The following LRP1 variants were observed in gnomAD, a reference collection of about 807,000 sequenced individuals.
LRP1 encodes prolow-density lipoprotein receptor-related protein 1.
Under a neutral mutation model 541.5 loss-of-function variants are expected in LRP1, and 51 were observed. The observed-to-expected ratio is 0.09, with a 90% CI of 0.08 to 0.12. The LOEUF is 0.12. Among genes scored for constraint, LRP1 ranks in the 10% least tolerant of loss-of-function variants. LRP1 has a pLI of 1.00. For missense variants in LRP1, 3,878 were observed against 6,376.2 expected, an observed-to-expected ratio of 0.61 and a Z score of 13.34; for synonymous variants, 2,219 against 2,470.8, an observed-to-expected ratio of 0.90 and a Z score of 3.02.
At position 57,199,230 on chromosome 12, in the gene LRP1, C is replaced by T. The variant is rs1348944986; in HGVS notation, c.9695C>T (p.Pro3232Leu). ...NRHVVLSQDIPHIFALTLFED... is the reference protein window; with the variant it reads ...NRHVVLSQDILHIFALTLFED... The stretch of plus-strand genomic sequence containing the variant: ...CCTGCAGTGCTGAGCCAGGACATCC[C>T]GCACATCTTTGCACTGACCCTGTTT... The change falls in exon 61 of 89, where the codon CCG (proline) becomes CTG (leucine). Residue 3232 changes from proline (P) to leucine (L), a missense_variant. Physicochemically the swap from Pro to Leu is moderately conservative, Grantham distance 98 (BLOSUM62 -3). This residue lies in a region of LRP1 where 1,100 missense variants were observed against 1,827.4 expected (regional missense o/e 0.60). Transcript: ENST00000243077. The T allele has an allele frequency of 4.3e-6, 7 of 1,613,670 alleles. No homozygotes were observed. The highest frequency in any genetic ancestry group is 1.6e-4 in the Middle Eastern group (1 of 6,062).
rs763336706 is a variant in LRP1, at chr12:57,166,922, C to T, written c.2798-8C>T. 1.4e-6 allele frequency: 2 copies of T among 1,458,262 alleles called. No homozygotes were observed. The highest frequency in any genetic ancestry group is 4.5e-5 in the East Asian group (2 of 44,180). 90.3% of individuals were successfully genotyped at this position (1,458,262 alleles called of 1,614,324 possible). ...CAATGAGTACTCACACCCATCCCTG[C>T]CCCCCAGCCCGCACCTGCCCCCCCA... On this transcript the variant is annotated splice_polypyrimidine_tract_variant and splice_region_variant and intron_variant, in intron 17 of 88. Coordinates refer to ENST00000243077, the MANE Select transcript of LRP1 (RefSeq NM_002332.3).
chr12:57,155,961 A>C, intron 8 of LRP1, 133 bp from the exon 9 acceptor site: 2 of 710,012 alleles, frequency 2.8e-6, no homozygotes, highest in Non-Finnish European at 4.7e-6. Context: ...AAAATAAATA[A>C]ATAAAAATTA....
At chr12:57,188,521 C>T (rs1440665199) in intron 42 of LRP1, among the ~76,000 whole-genome samples, 1 of 152,128 alleles carries the variant, frequency 6.6e-6, no homozygotes, top group African/African-American at 2.4e-5. Context: ...AGGTCCAGTC[C>T]CCCCTTCCAT....
Position 57,177,666 on chromosome 12 carries a change from G to A in LRP1, c.4361+75G>A. Reference sequence around the variant, plus strand: ...GGGGTGGGGAGGAACCTGTGGTGATGAGGGTGATGAGAAGGACCAAGGGAT... The same window carrying A: ...GGGGTGGGGAGGAACCTGTGGTGATAAGGGTGATGAGAAGGACCAAGGGAT... On this transcript the variant is annotated intron_variant, in intron 26 of 88. Transcript: ENST00000243077. The surrounding 1 kb of genome is among the most constrained non-coding windows in gnomAD (Gnocchi z 6.8). 3 of 1,512,252 alleles carry A rather than the reference G, an allele frequency of 2.0e-6. No individual in the cohort carries two copies. The highest frequency in any genetic ancestry group is 2.3e-5 in the East Asian group (1 of 42,846). 93.7% of individuals were successfully genotyped at this position (1,512,252 alleles called of 1,614,324 possible).
rs150497947 is a variant in LRP1 at position 57,154,313 on chromosome 12, C to A, written c.947C>A (p.Thr316Lys). The change falls in exon 7 of 89, where the codon ACA becomes AAA. Residue 316 changes from threonine (T) to lysine (K), a missense_variant. Transcript: ENST00000243077. This position sits in a 1 kb window ranked among gnomAD's most constrained non-coding sequence, Gnocchi z 4.6. ...AACAGAAATGGGGACACATGTGTCA[C>A]ATTGCTAGACCTGGAACTCTACAAC... ...VCNRNGDTCV[T>K]LLDLELYNPK... 1.7e-5 allele frequency: 27 copies of A among 1,614,072 alleles called. No individual in the cohort carries two copies. The highest frequency in any genetic ancestry group is 2.2e-5 in the Non-Finnish European group (26 of 1,180,020).
intron 1 of LRP1, among the ~76,000 whole-genome samples, chr12:57,136,394 A>AGCC (rs2035165997): frequency 1.8e-5 from 1 of 55,244 alleles, no homozygotes; most frequent in Non-Finnish European, 3.8e-5. Flanking sequence ...CCCTCCTAAG[A>AGCC]GCCCCCCCCC....
At chr12:57,191,981 TACAC>T (rs1417323049) in intron 44 of LRP1, among the ~76,000 whole-genome samples, 1 of 5,716 alleles carries the variant, frequency 1.7e-4, no homozygotes, top group Non-Finnish European at 3.7e-4. Context: ...ACATGACACA[TACAC>T]ACCACACATA....
In LRP1 at chr12:57,177,351, C is replaced by T; in HGVS notation, c.4197-76C>T. 1.9e-6 allele frequency: 3 copies of T among 1,559,422 alleles called. No individual in the cohort carries two copies. The highest frequency in any genetic ancestry group is 2.6e-6 in the Non-Finnish European group (3 of 1,144,222). ...TCAGTGCCATCTGCCTCCTCCCACCCTCTACCTACGATCCCACCACAGTCG... is the reference window on the plus strand; with the variant it reads ...TCAGTGCCATCTGCCTCCTCCCACCTTCTACCTACGATCCCACCACAGTCG... On this transcript the variant is annotated intron_variant, in intron 25 of 88. Coordinates refer to ENST00000243077, the MANE Select transcript of LRP1 (RefSeq NM_002332.3). This position sits in a 1 kb window ranked among gnomAD's most constrained non-coding sequence, Gnocchi z 6.8.
rs777986862 is a variant in LRP1, at chr12:57,167,457, C to T, written c.2928C>T (p.Cys976=). 40 of 1,613,814 alleles carry T rather than the reference C, an allele frequency of 2.5e-5. No homozygotes were observed. Among genetic ancestry groups the T allele is most frequent in the Admixed American group, 6.7e-5 (4 of 60,006 alleles). ...TCTTCCTCACAGCCTATCCCACCTG[C>T]TTCCCCCTGACTCAGTTTACCTGCA... ...DESASCAYPT[C]FPLTQFTCNN... The change falls in exon 19 of 89, where the codon TGC becomes TGT. Residue 976 remains cysteine (C), a synonymous_variant. Transcript: ENST00000243077.
At position 57,145,286 on chromosome 12, in the gene LRP1, T is replaced by C; in HGVS notation, c.637T>C (p.Tyr213His). The C allele has an allele frequency of 1.9e-6, 3 of 1,614,182 alleles. No individual in the cohort carries two copies. Among genetic ancestry groups the C allele is most frequent in the Non-Finnish European group, 2.5e-6 (3 of 1,180,026 alleles). ...IANSQNILAT[Y>H]LSGAQVSTIT... ...CAACTCCCAGAACATCTTGGCCACG[T>C]ACCTGAGTGGGGCCCAGGTGTCTAC... The change falls in exon 6 of 89, where the codon TAC (tyrosine) becomes CAC (histidine). Residue 213 changes from tyrosine (Y) to histidine (H), a missense_variant. This residue lies in a region of LRP1 where 293 missense variants were observed against 403.7 expected (regional missense o/e 0.73). Transcript: ENST00000243077.
chr12:57,207,046 C>T (rs1438096438), intron 76 of LRP1, among the ~76,000 whole-genome samples: 1 of 152,092 alleles, frequency 6.6e-6, no homozygotes, highest in East Asian at 1.9e-4. Context: ...TCCAGACCAA[C>T]CTGGCTAACA....
chr12:57,148,464 G>A (rs556153208), intron 6 of LRP1, among the ~76,000 whole-genome samples: 1 of 152,186 alleles, frequency 6.6e-6, no homozygotes, highest in South Asian at 2.1e-4. Context: ...CCTCTGACCA[G>A]TCTCTCAGCT....
chr12:57,195,205 C>A, intron 51 of LRP1, 66 bp from the exon 52 acceptor site: 1 of 1,597,568 alleles, frequency 6.3e-7, no homozygotes, highest in Non-Finnish European at 8.6e-7. Context: ...GGCGAACCAT[C>A]ACCTCCACTG....
intron 42 of LRP1, among the ~76,000 whole-genome samples, chr12:57,188,388 C>A (rs940456309): frequency 7.2e-5 from 11 of 152,334 alleles, no homozygotes; most frequent in Admixed American, 2.6e-4. Context: ...TGTATAGATA[C>A]GTGAGTGTCC....
Position 57,183,361 on chromosome 12 carries a change from A to G in LRP1, c.5663-18A>G. The G allele has an allele frequency of 6.3e-7, 1 of 1,592,074 alleles. No homozygotes were observed. Among genetic ancestry groups the G allele is most frequent in the Non-Finnish European group, 8.6e-7 (1 of 1,162,436 alleles). On this transcript the variant is annotated intron_variant, in intron 34 of 88. Transcript: ENST00000243077. The surrounding 1 kb of genome is among the most constrained non-coding windows in gnomAD (Gnocchi z 6.1). ...GAGTGTTGGCGATACCCATGCCTTAAGTTTCCTTGTCTTTCAGGCGTAGGT... is the reference window on the plus strand; with the variant it reads ...GAGTGTTGGCGATACCCATGCCTTAGGTTTCCTTGTCTTTCAGGCGTAGGT...
At position 57,206,736 on chromosome 12, in the gene LRP1, C is replaced by G. The variant is rs1445139624; in HGVS notation, c.11854C>G (p.Leu3952Val). 14 of 1,611,218 alleles carry G rather than the reference C, an allele frequency of 8.7e-6. No homozygotes were observed. The highest frequency in any genetic ancestry group is 1.2e-5 in the Non-Finnish European group (14 of 1,179,832). ...ACAGATTGACCGGGGTGTCACCCAC[C>G]TCAACGTGAGTGCCCAACCTGGCGT... ...RRQIDRGVTH[L>V]NISGLKMPRG... Residue 3952 changes from leucine (L) to valine (V), a missense_variant, in exon 76 of 89, where the codon CTC (leucine) becomes GTC (valine). Coordinates refer to ENST00000243077, the MANE Select transcript of LRP1 (RefSeq NM_002332.3). The surrounding 1 kb of genome is among the most constrained non-coding windows in gnomAD (Gnocchi z 4.7).
At chr12:57,191,793 A>ACACATATCACATGCACACCC (rs1311076614) in intron 44 of LRP1, among the ~76,000 whole-genome samples, 1 of 67,116 alleles carries the variant, frequency 1.5e-5, no homozygotes, top group Non-Finnish European at 3.1e-5. Context: ...TACACACACC[A>ACACATATCACATGCACACCC]CACATATCAC....
chr12:57,158,710 C>T lies in LRP1; in HGVS notation c.1798+72C>T, dbSNP rs2035671834. The T allele has an allele frequency of 7.1e-7, 1 of 1,399,914 alleles. No homozygotes were observed. Among genetic ancestry groups the T allele is most frequent in the African/African-American group, 1.4e-5 (1 of 70,170 alleles). 86.7% of individuals were successfully genotyped at this position (1,399,914 alleles called of 1,614,324 possible). On this transcript the variant is annotated intron_variant, in intron 11 of 88. Transcript: ENST00000243077. The surrounding 1 kb of genome is among the most constrained non-coding windows in gnomAD (Gnocchi z 5.3). ...GGCCCAGGCATCTGTTTCTCGGTGC[C>T]CTCTCAGCAGGATGGTCCCCTGCTG...
At chr12:57,161,536 C>T (rs1033438977) in intron 13 of LRP1, among the ~76,000 whole-genome samples, 1 of 152,084 alleles carries the variant, frequency 6.6e-6, no homozygotes, top group Non-Finnish European at 1.5e-5. Context: ...ATGTGCTTCA[C>T]GAGTCATGTA....
Sources: allele counts gnomAD v4.1 joint callset (sites outside exome capture counted in the v4.1 genomes callset), GRCh38; gene constraint gnomAD v4.1.1; regional missense constraint gnomAD v4.1.1; non-coding constraint Gnocchi (gnomAD v3.1); transcripts MANE v1.5; gene names NCBI Gene and HGNC (gene_info 2026-07-23, HGNC 2026-07-21).